The following KDM2A variants were observed in gnomAD, a reference collection of about 807,000 sequenced individuals.
KDM2A encodes lysine-specific demethylase 2A.
KDM2A carries 3 observed loss-of-function variants against 137.3 expected under a neutral mutation model. The observed-to-expected ratio is 0.02, with a 90% CI of 0.01 to 0.06. The LOEUF is 0.06. Among genes scored for constraint, KDM2A ranks in the 10% least tolerant of loss-of-function variants. KDM2A has a pLI of 1.00. For missense variants in KDM2A, 738 were observed against 1,510.6 expected (o/e 0.49, Z 8.48); for synonymous variants, 512 against 541.5 (o/e 0.95, Z 0.76).
intron 6 of KDM2A, among the ~76,000 whole-genome samples, chr11:67,214,635 C>T (rs1278698772): frequency 6.6e-6 from 1 of 152,014 alleles, no homozygotes; most frequent in Non-Finnish European, 1.5e-5. Flanking sequence ...CCACTGATCC[C>T]AACTATTTTT....
At chr11:67,203,214 T>G (rs1019803511) in intron 5 of KDM2A, among the ~76,000 whole-genome samples, 4 of 151,894 alleles carry the variant, frequency 2.6e-5, no homozygotes, top group African/African-American at 7.2e-5. Context: ...AATAAAAGTA[T>G]GTACCTTGTT....
At chr11:67,240,147 G>A in intron 12 of KDM2A, 4 of 1,445,682 alleles carry the variant, frequency 2.8e-6, no homozygotes, top group Non-Finnish European at 3.6e-6. Context: ...AAGGAGCCCA[G>A]AGCGCTGCAC....
At chr11:67,239,499 T>C (rs1483678597) in intron 12 of KDM2A, among the ~76,000 whole-genome samples, 8 of 152,186 alleles carry the variant, frequency 5.3e-5, no homozygotes, top group East Asian at 1.9e-4. Context: ...TTCTGGATTG[T>C]GGGCTGGGAG....
chr11:67,176,056 G>A (rs889381980), intron 2 of KDM2A, among the ~76,000 whole-genome samples: 7 of 152,144 alleles, frequency 4.6e-5, no homozygotes, highest in African/African-American at 1.7e-4. Flanking sequence ...TGTCAGTGAA[G>A]TCTTATCAAA....
chr11:67,234,146 G>A (rs181305463), intron 12 of KDM2A, among the ~76,000 whole-genome samples: 2 of 152,300 alleles, frequency 1.3e-5, no homozygotes, highest in East Asian at 3.9e-4. Context: ...GATCAGTTAT[G>A]CTAAATCTCA....
Position 67,168,628 on chromosome 11 carries a change from C to T in KDM2A, c.43-11451C>T, listed in dbSNP as rs981156582. On this transcript the variant is annotated intron_variant, in intron 2 of 20. Transcript: ENST00000529006. The stretch of plus-strand genomic sequence containing the variant: ...ACACACACACACACACACACACACA[C>T]ACACACACACACACACACACACACA... 1.4e-4 allele frequency among the ~76,000 whole-genome samples: 20 copies of T among 142,646 alleles called. 1 individual carries two copies. The highest frequency in any genetic ancestry group is 4.4e-4 in the African/African-American group (16 of 36,272). The allele number at this position is 142,646 out of a possible 152,430, so 93.6% of individuals were successfully genotyped here.
intron 5 of KDM2A, among the ~76,000 whole-genome samples, chr11:67,195,151 A>T (rs972676437): frequency 1.3e-5 from 2 of 152,128 alleles, no homozygotes; most frequent in East Asian, 3.8e-4. Context: ...TGTCAAGCCC[A>T]TCCAGTTCTC....
intron 2 of KDM2A, among the ~76,000 whole-genome samples, chr11:67,170,777 C>G (rs1565387501): frequency 6.6e-6 from 1 of 152,116 alleles, no homozygotes; most frequent in Non-Finnish European, 1.5e-5. Flanking sequence ...TACACCTTCT[C>G]TCTCTCTGCC....
chr11:67,167,883 A>G (rs1333938350), intron 2 of KDM2A, among the ~76,000 whole-genome samples: 1 of 152,160 alleles, frequency 6.6e-6, no homozygotes, highest in African/African-American at 2.4e-5. Flanking sequence ...TGTAATATAT[A>G]TGGCAGTTAT....
At chr11:67,133,779 A>G (rs914982292) in intron 2 of KDM2A, among the ~76,000 whole-genome samples, 11 of 150,892 alleles carry the variant, frequency 7.3e-5, no homozygotes, top group Non-Finnish European at 1.6e-4. Context: ...TCGGCTTACT[A>G]TAACTTCCGC....
At chr11:67,123,130 A>G (rs1855636932) in intron 2 of KDM2A, among the ~76,000 whole-genome samples, 1 of 151,582 alleles carries the variant, frequency 6.6e-6, no homozygotes, top group South Asian at 2.1e-4. Context: ...CCACCATGCC[A>G]GGGTAATTTT....
intron 5 of KDM2A, among the ~76,000 whole-genome samples, chr11:67,188,246 G>T (rs1354102157): frequency 1.3e-5 from 2 of 151,882 alleles, no homozygotes; most frequent in Non-Finnish European, 2.9e-5. Context: ...GCCTTGGGAG[G>T]CCGAGGCAGG....
chr11:67,252,421 G>A (rs1253533736), intron 17 of KDM2A: 1 of 449,822 alleles, frequency 2.2e-6, no homozygotes, highest in East Asian at 4.5e-5. Context: ...CCTAACAACT[G>A]TTGTGTTCTC....
intron 2 of KDM2A, among the ~76,000 whole-genome samples, chr11:67,146,119 G>C (rs1856241520): frequency 6.6e-6 from 1 of 151,320 alleles, no homozygotes; most frequent in Admixed American, 6.6e-5. Flanking sequence ...AGCCTCCTGA[G>C]TAGCTGGGAT....
rs1855591872 is a variant in KDM2A at position 67,121,256 on chromosome 11, A to AG, written c.-59dup. 3.1e-6 allele frequency: 4 copies of AG among 1,299,354 alleles called. No homozygotes were observed. The African/African-American group carries it at 4.4e-5, about 14-fold the overall frequency. 80.5% of individuals were successfully genotyped at this position (1,299,354 alleles called of 1,614,324 possible). ...TAGTGTTGCAATCTGGTTCCTAAGG[A>AG]GGAAGAGGAAGGCAGCCCTGGAGTG... is the stretch of plus-strand genomic sequence containing the variant. On this transcript the variant is annotated 5_prime_UTR_variant, in exon 2 of 21. Coordinates refer to ENST00000529006, the MANE Select transcript of KDM2A (RefSeq NM_012308.3).
At chr11:67,224,051 A>T (rs1324012090) in intron 10 of KDM2A, among the ~76,000 whole-genome samples, 1 of 152,194 alleles carries the variant, frequency 6.6e-6, no homozygotes, top group East Asian at 1.9e-4. Flanking sequence ...CTAACTATGA[A>T]AAGTACATCT....
At chr11:67,242,269 G>A (rs75665092) in intron 12 of KDM2A, among the ~76,000 whole-genome samples, 13,947 of 126,660 alleles carry the variant, frequency 0.11, 941 homozygotes, top group Admixed American at 0.18. Flanking sequence ...AGACTCTGTG[G>A]GTGTGTGTAT....
chr11:67,240,355 G>A (rs979104284), intron 12 of KDM2A: 1 of 1,535,216 alleles, frequency 6.5e-7, no homozygotes, highest in Non-Finnish European at 8.7e-7. Flanking sequence ...GCTCCAGAGC[G>A]ACGGGAAACG....
At chr11:67,126,780 C>G (rs547638781) in intron 2 of KDM2A, among the ~76,000 whole-genome samples, 1 of 151,628 alleles carries the variant, frequency 6.6e-6, no homozygotes, top group Non-Finnish European at 1.5e-5. Context: ...AAGAAATGCA[C>G]CTTTGAAGAT....
Sources: gnomAD v4.1 joint callset for allele counts (sites outside exome capture counted in the v4.1 genomes callset) on GRCh38, gnomAD v4.1.1 for gene constraint, MANE v1.5 for transcripts, NCBI Gene and HGNC (gene_info 2026-07-23, HGNC 2026-07-21) for gene names.